CACNB4: variants seen among roughly 807,000 people sequenced by gnomAD.
The protein encoded by CACNB4 is calcium voltage-gated channel auxiliary subunit beta 4.
Under a neutral mutation model 71.2 loss-of-function variants are expected in CACNB4, and 32 were observed. The observed-to-expected ratio is 0.45, with a 90% CI of 0.34 to 0.60. The LOEUF is 0.60. CACNB4 is among the 20% of genes least tolerant of loss of function. The pLI is 0.01. For missense variants in CACNB4, 464 were observed against 647.9 expected (o/e 0.72, Z 3.08); for synonymous variants, 231 against 236.9 (o/e 0.97, Z 0.23).
At position 152,090,643 on chromosome 2, in the gene CACNB4, CAAAAAAAA is replaced by C. The variant is rs1181681645; in HGVS notation, c.147+7679_147+7686del. Among the ~76,000 whole-genome samples the C allele has an allele frequency of 4.8e-5, 5 of 104,212 alleles. No individual in the cohort carries two copies. The East Asian group carries it at 1.4e-3, about 29-fold the overall frequency. 68.4% of individuals were successfully genotyped at this position (104,212 alleles called of 152,430 possible). ...GGGCAACAACAGCAAAACTCCATCT[CAAAAAAAA>C]AAAAGAAAAAAAGAAAGATAAAAAC... On this transcript the variant is annotated intron_variant, in intron 2 of 13. Transcript: ENST00000539935.
chr2:151,915,233 C>G (rs1423343105), intron 2 of CACNB4, among the ~76,000 whole-genome samples: 1 of 152,194 alleles, frequency 6.6e-6, no homozygotes, highest in East Asian at 1.9e-4. Context: ...GGGTCAGGGT[C>G]AGGCCTGAAG....
intron 2 of CACNB4, among the ~76,000 whole-genome samples, chr2:152,029,507 A>AAAAAAAAAAAG (rs1553815872): frequency 3.8e-5 from 4 of 104,746 alleles, no homozygotes; most frequent in Non-Finnish European, 7.2e-5. Flanking sequence ...AAAAAAAAAA[A>AAAAAAAAAAAG]AAAAGAAAAG....
chr2:151,978,612 C>T (rs1447929457), intron 2 of CACNB4, among the ~76,000 whole-genome samples: 1 of 152,184 alleles, frequency 6.6e-6, no homozygotes, highest in Non-Finnish European at 1.5e-5. Flanking sequence ...AAGCCTTGGT[C>T]TAATAAAACG....
At chr2:151,936,626 C>T (rs2099862982) in intron 2 of CACNB4, among the ~76,000 whole-genome samples, 1 of 152,188 alleles carries the variant, frequency 6.6e-6, no homozygotes, top group Admixed American at 6.5e-5. Flanking sequence ...ATTCCTTGGT[C>T]ATTTGCCTAT....
chr2:152,072,924 C>T (rs1440701325), intron 2 of CACNB4, among the ~76,000 whole-genome samples: 1 of 151,992 alleles, frequency 6.6e-6, no homozygotes, highest in Non-Finnish European at 1.5e-5. Context: ...GCTGGGATTA[C>T]AGGCGTGAGC....
intron 2 of CACNB4, among the ~76,000 whole-genome samples, chr2:151,966,217 G>C (rs1241950915): frequency 6.6e-6 from 1 of 152,188 alleles, no homozygotes; most frequent in African/African-American, 2.4e-5. Context: ...CATGGTCACT[G>C]TTAAGAAGTG....
chr2:151,951,692 A>G (rs1430954095), intron 2 of CACNB4, among the ~76,000 whole-genome samples: 8 of 152,202 alleles, frequency 5.3e-5, no homozygotes, highest in Non-Finnish European at 1.0e-4. Flanking sequence ...AGGCATCTTG[A>G]AAGATGCCTG....
At chr2:152,090,200 CT>C (rs1316809998) in intron 2 of CACNB4, among the ~76,000 whole-genome samples, 1 of 152,220 alleles carries the variant, frequency 6.6e-6, no homozygotes, top group Admixed American at 6.5e-5. Flanking sequence ...ATAGCATTGC[CT>C]TTTGTTTAAA....
At chr2:152,051,020 C>T (rs1445396761) in intron 2 of CACNB4, among the ~76,000 whole-genome samples, 2 of 152,028 alleles carry the variant, frequency 1.3e-5, no homozygotes, top group Admixed American at 6.6e-5. Flanking sequence ...CTGCGCACCT[C>T]GGCCTCCCAA....
chr2:152,050,373 T>A (rs1685360071), intron 2 of CACNB4, among the ~76,000 whole-genome samples: 1 of 152,114 alleles, frequency 6.6e-6, no homozygotes, highest in Non-Finnish European at 1.5e-5. Flanking sequence ...CCCACTAGAT[T>A]TACTCTAAAT....
chr2:151,972,069 CAAAAAAAA>C (rs56104858), intron 2 of CACNB4: 2 of 110,820 alleles, frequency 1.8e-5, no homozygotes, highest in African/African-American at 3.5e-5. Context: ...GACCCAAAGG[CAAAAAAAA>C]AAAAAAAAAA....
At chr2:151,883,077 T>C (rs1035953150) in intron 3 of CACNB4, 174 bp downstream of exon 3, 93 of 620,530 alleles carry the variant, frequency 1.5e-4, no homozygotes, top group Non-Finnish European at 2.0e-4. Flanking sequence ...AATGCCTCTT[T>C]GGAGATGTTA....
At chr2:152,093,400 GGT>G (rs34845177) in intron 2 of CACNB4, among the ~76,000 whole-genome samples, 3,873 of 146,274 alleles carry the variant, frequency 0.026, 145 homozygotes, top group African/African-American at 0.088. Flanking sequence ...GCTGTTTTTT[GGT>G]GTGTGTGTGT....
chr2:151,901,638 A>G (rs1245748067), intron 2 of CACNB4, among the ~76,000 whole-genome samples: 2 of 152,236 alleles, frequency 1.3e-5, no homozygotes, highest in African/African-American at 2.4e-5. Context: ...AAAAATGTGC[A>G]TTCCGTTTTG....
intron 2 of CACNB4, among the ~76,000 whole-genome samples, chr2:151,965,528 G>T (rs1248982580): frequency 6.6e-6 from 1 of 152,132 alleles, no homozygotes; most frequent in Admixed American, 6.5e-5. Flanking sequence ...ATTCTGTAAA[G>T]CAAGAAAACA....
chr2:151,945,362 T>C (rs2099865287), intron 2 of CACNB4, among the ~76,000 whole-genome samples: 1 of 152,190 alleles, frequency 6.6e-6, no homozygotes, highest in Non-Finnish European at 1.5e-5. Context: ...TCTATTTCTG[T>C]TTCCTCATCT....
chr2:151,975,851 T>C (rs2099873693), intron 2 of CACNB4, among the ~76,000 whole-genome samples: 1 of 152,230 alleles, frequency 6.6e-6, no homozygotes, highest in African/African-American at 2.4e-5. Context: ...CAATTGCAAG[T>C]ATAGATATTC....
At chr2:151,975,955 C>CT (rs2099873708) in intron 2 of CACNB4, among the ~76,000 whole-genome samples, 1 of 152,238 alleles carries the variant, frequency 6.6e-6, no homozygotes, top group Non-Finnish European at 1.5e-5. Context: ...TTGTTCCCAA[C>CT]TGGATAAACT....
chr2:152,061,985 C>G (rs1420675593), intron 2 of CACNB4, among the ~76,000 whole-genome samples: 1 of 149,332 alleles, frequency 6.7e-6, no homozygotes, highest in Non-Finnish European at 1.5e-5. Flanking sequence ...GTACTCCAGC[C>G]TGGGTGACAG....
Sources: allele counts gnomAD v4.1 joint callset (sites outside exome capture counted in the v4.1 genomes callset), GRCh38; gene constraint gnomAD v4.1.1; transcripts MANE v1.5; gene names NCBI Gene and HGNC (gene_info 2026-07-23, HGNC 2026-07-21).